PDE4B: variants seen among roughly 807,000 people sequenced by gnomAD.
The protein encoded by PDE4B is 3',5'-cyclic-AMP phosphodiesterase 4B.
PDE4B carries 20 observed loss-of-function variants against 82.2 expected under a neutral mutation model. The ratio of observed to expected loss-of-function variants is 0.24; its 90% CI spans 0.17 to 0.35. The LOEUF (loss-of-function observed/expected upper bound fraction) is 0.35. Among genes scored for constraint, PDE4B ranks in the 10% least tolerant of loss-of-function variants. The probability of loss-of-function intolerance (pLI) is 1.00; values close to 1 mark genes in which losing one functional copy is unlikely to be tolerated. For missense variants in PDE4B, 655 were observed against 907.2 expected (o/e 0.72, Z 3.57); for synonymous variants, 320 against 318.9 (o/e 1.00, Z -0.04).
intron 3 of PDE4B, among the ~76,000 whole-genome samples, chr1:66,029,084 G>A (rs1487048321): frequency 2.0e-5 from 3 of 152,084 alleles, no homozygotes; most frequent in African/African-American, 7.2e-5. Flanking sequence ...AACCAAGACT[G>A]GGAAGGAAAA....
chr1:66,281,101 G>A (rs12142375), intron 7 of PDE4B, among the ~76,000 whole-genome samples: 60,971 of 152,086 alleles, frequency 0.4, 15,279 homozygotes, highest in Non-Finnish European at 0.56. Flanking sequence ...TTCTGATAAA[G>A]AATTGCTCCC....
intron 4 of PDE4B, chr1:66,257,440 G>A (rs1169932717): frequency 1.3e-6 from 1 of 756,942 alleles, no homozygotes; most frequent in African/African-American, 1.7e-5. Flanking sequence ...TGTAAATTCA[G>A]GAGTCATGAA....
chr1:65,829,775 A>T (rs907095470), intron 1 of PDE4B, among the ~76,000 whole-genome samples: 1 of 152,210 alleles, frequency 6.6e-6, no homozygotes, highest in African/African-American at 2.4e-5. Context: ...TGGTACAGAT[A>T]ACCAAGGGGA....
intron 12 of PDE4B, 142 bp downstream of exon 12, chr1:66,363,713 G>T (rs907132102): frequency 1.0e-5 from 6 of 595,184 alleles, no homozygotes; most frequent in Non-Finnish European, 1.7e-5. Context: ...GGGGTTCAAG[G>T]TTACAGTGAG....
rs2050749443 is a variant in PDE4B, at chr1:66,371,094, C to CTACATATA, written c.1846-1217_1846-1216insCATATATA. Among the ~76,000 whole-genome samples the CTACATATA allele has an allele frequency of 1.2e-4, 9 of 74,842 alleles. 1 individual carries two copies. In the East Asian group the frequency reaches 7.1e-3, roughly 59 times the overall value. 49.1% of individuals were successfully genotyped at this position (74,842 alleles called of 152,430 possible). ...TATATATATATACACACACATCATA[C>CTACATATA]TATATATATATATATATATATATAT... On this transcript the variant is annotated intron_variant, in intron 16 of 16. Transcript: ENST00000341517.
chr1:66,183,005 TATC>T (rs1328211011), intron 3 of PDE4B, among the ~76,000 whole-genome samples: 2 of 152,238 alleles, frequency 1.3e-5, no homozygotes, highest in African/African-American at 2.4e-5. Context: ...AGTTCTCAGA[TATC>T]ATAACCTGTA....
intron 7 of PDE4B, among the ~76,000 whole-genome samples, chr1:66,270,433 G>C (rs1655387559): frequency 6.6e-6 from 1 of 152,172 alleles, no homozygotes; most frequent in Non-Finnish European, 1.5e-5. Context: ...TCAAGTAGTG[G>C]ACAAGAGGGT....
chr1:66,155,179 G>A lies in PDE4B; in HGVS notation c.282-92281G>A, dbSNP rs181446564. On this transcript the variant is annotated intron_variant, in intron 3 of 16. Coordinates refer to ENST00000341517, the MANE Select transcript of PDE4B (RefSeq NM_002600.4). The stretch of plus-strand genomic sequence containing the variant: ...GATTGGAGCTGAAATCAAGATGGAA[G>A]CCAAGGTGCCTTTGGAGTCAGCTAT... Among the ~76,000 whole-genome samples, 173 of 152,278 alleles carry A rather than the reference G, an allele frequency of 1.1e-3. 1 individual carries two copies. The highest frequency in any genetic ancestry group is 2.0e-3 in the Non-Finnish European group (137 of 68,018).
intron 6 of PDE4B, among the ~76,000 whole-genome samples, chr1:66,263,338 A>G (rs1358049171): frequency 6.6e-6 from 1 of 152,258 alleles, no homozygotes; most frequent in East Asian, 1.9e-4. Flanking sequence ...GAAGAAAAGT[A>G]TCCAACTGAG....
chr1:66,123,087 A>C (rs1267898140), intron 3 of PDE4B, among the ~76,000 whole-genome samples: 3 of 151,954 alleles, frequency 2.0e-5, no homozygotes, highest in South Asian at 2.1e-4. Context: ...CTTCCAGTCT[A>C]TCATATTTTG....
chr1:66,136,847 A>T (rs1322018898), intron 3 of PDE4B, among the ~76,000 whole-genome samples: 1 of 152,170 alleles, frequency 6.6e-6, no homozygotes, highest in African/African-American at 2.4e-5. Flanking sequence ...TTGAGATAGA[A>T]GGAGAACCTG....
chr1:66,097,664 T>C (rs1460650274), intron 3 of PDE4B, among the ~76,000 whole-genome samples: 1 of 152,038 alleles, frequency 6.6e-6, no homozygotes, highest in Non-Finnish European at 1.5e-5. Context: ...CATTATTTTA[T>C]ATTACTCTTT....
chr1:66,340,394 G>A (rs745960036), intron 8 of PDE4B, among the ~76,000 whole-genome samples: 4 of 152,036 alleles, frequency 2.6e-5, no homozygotes, highest in Non-Finnish European at 4.4e-5. Flanking sequence ...TTCTTCTTAT[G>A]GAATAGATTT....
intron 8 of PDE4B, among the ~76,000 whole-genome samples, chr1:66,348,511 GAA>G (rs1661578122): frequency 6.6e-6 from 1 of 151,968 alleles, no homozygotes; most frequent in Non-Finnish European, 1.5e-5. Context: ...CTCATTGGAA[GAA>G]AAGTCCTCTG....
Position 66,190,044 on chromosome 1 carries a change from C to T in PDE4B, c.282-57416C>T, listed in dbSNP as rs530540830. On this transcript the variant is annotated intron_variant, in intron 3 of 16. Transcript: ENST00000341517. ...ATGTCCTTTCTGTTTGTTAGTTTTC[C>T]TTCTAACAGTCAGGACTCTCAGCTG... Among the ~76,000 whole-genome samples, 7 of 152,206 alleles carry T rather than the reference C, an allele frequency of 4.6e-5. No homozygotes were observed. In the South Asian group the frequency reaches 1.5e-3, roughly 32 times the overall value.
At chr1:66,348,738 T>A (rs1661598129) in intron 8 of PDE4B, among the ~76,000 whole-genome samples, 1 of 151,596 alleles carries the variant, frequency 6.6e-6, no homozygotes, top group African/African-American at 2.4e-5. Flanking sequence ...CCCGAATTTT[T>A]ATTTGCTAAA....
intron 7 of PDE4B, among the ~76,000 whole-genome samples, chr1:66,321,127 C>T (rs7513407): frequency 8.4e-4 from 128 of 152,248 alleles, no homozygotes; most frequent in African/African-American, 2.9e-3. Flanking sequence ...ATGTGATTAC[C>T]AGAAGACATA....
intron 3 of PDE4B, among the ~76,000 whole-genome samples, chr1:65,989,021 A>T (rs939465016): frequency 2.0e-5 from 3 of 152,166 alleles, no homozygotes; most frequent in African/African-American, 7.2e-5. Context: ...TAATTAATTG[A>T]CCTTTCTTTT....
chr1:65,954,260 T>A (rs1649146679), intron 3 of PDE4B, among the ~76,000 whole-genome samples: 1 of 152,028 alleles, frequency 6.6e-6, no homozygotes, highest in African/African-American at 2.4e-5. Flanking sequence ...CAATCATGAG[T>A]TATATGGTTC....
Sources: allele counts gnomAD v4.1 joint callset (sites outside exome capture counted in the v4.1 genomes callset), GRCh38; gene constraint gnomAD v4.1.1; transcripts MANE v1.5; gene names NCBI Gene and HGNC (gene_info 2026-07-23, HGNC 2026-07-21).